Variants in GALNT18 observed in about 807,000 individuals in gnomAD.
The protein encoded by GALNT18 is polypeptide N-acetylgalactosaminyltransferase 18, also known as GalNAc-transferase 18.
A neutral mutation model predicts 69.5 loss-of-function variants in GALNT18; 44 were observed. The ratio of observed to expected loss-of-function variants is 0.63; its 90% CI spans 0.50 to 0.81. The LOEUF is 0.81. Among genes scored for constraint, GALNT18 ranks in the 40% least tolerant of loss-of-function variants. The pLI is 0.00. For synonymous variants in GALNT18, 364 were observed against 318.2 expected (o/e 1.14, Z -1.53); for missense variants, 715 against 810.0 (o/e 0.88, Z 1.42).
chr11:11,288,586 C>A (rs1387343033), intron 10 of GALNT18, among the ~76,000 whole-genome samples: 4 of 152,182 alleles, frequency 2.6e-5, no homozygotes, highest in Admixed American at 6.5e-5. Flanking sequence ...TGTCCAACCC[C>A]CATGCTCAAT....
intron 1 of GALNT18, among the ~76,000 whole-genome samples, chr11:11,490,765 G>C (rs1348778082): frequency 6.6e-6 from 1 of 152,220 alleles, no homozygotes; most frequent in South Asian, 2.1e-4. Flanking sequence ...ATGTAACCAA[G>C]AAGCCCTGTG....
At chr11:11,517,180 C>A (rs887582954) in intron 1 of GALNT18, among the ~76,000 whole-genome samples, 12 of 152,172 alleles carry the variant, frequency 7.9e-5, no homozygotes, top group Admixed American at 7.9e-4. Flanking sequence ...AAAACAAATT[C>A]TTTTGTTTAT....
intron 6 of GALNT18, among the ~76,000 whole-genome samples, chr11:11,351,688 C>T (rs1850406216): frequency 2.6e-5 from 4 of 152,202 alleles, no homozygotes; most frequent in Admixed American, 2.0e-4. Flanking sequence ...ATCTCTGGCC[C>T]CCATTACTGT....
intron 1 of GALNT18, 55 bp from the exon 2 acceptor site, chr11:11,448,991 A>G (rs1276527109): frequency 9.6e-6 from 13 of 1,354,824 alleles, no homozygotes; most frequent in African/African-American, 1.5e-5. Flanking sequence ...TGCATGTGCC[A>G]TGACAATCCC....
chr11:11,467,496 T>C (rs1231292192), intron 1 of GALNT18, among the ~76,000 whole-genome samples: 2 of 152,174 alleles, frequency 1.3e-5, no homozygotes, highest in Admixed American at 1.3e-4. Flanking sequence ...GATGCAGGCA[T>C]TTAAAGGGAA....
chr11:11,498,527 G>A (rs1856912557), intron 1 of GALNT18, among the ~76,000 whole-genome samples: 1 of 152,246 alleles, frequency 6.6e-6, no homozygotes, highest in Admixed American at 6.5e-5. Context: ...GGCCAGGCAT[G>A]GTGGCTAATG....
intron 1 of GALNT18, among the ~76,000 whole-genome samples, chr11:11,549,249 A>G (rs901809736): frequency 3.9e-5 from 6 of 152,236 alleles, no homozygotes; most frequent in Non-Finnish European, 7.3e-5. Flanking sequence ...CAGGCCTGTG[A>G]TCCTGGAAGA....
chr11:11,366,247 T>C (rs923464304), intron 6 of GALNT18, among the ~76,000 whole-genome samples: 1 of 152,192 alleles, frequency 6.6e-6, no homozygotes, highest in Non-Finnish European at 1.5e-5. Context: ...TTAGGTTGAG[T>C]CAGTTTTCTT....
chr11:11,526,411 C>T (rs1366419970), intron 1 of GALNT18, among the ~76,000 whole-genome samples: 6 of 152,108 alleles, frequency 3.9e-5, no homozygotes, highest in African/African-American at 1.4e-4. Context: ...AGCGCTGGTC[C>T]CTTTCTGGCA....
At chr11:11,291,980 G>C (rs146750904) in intron 10 of GALNT18, among the ~76,000 whole-genome samples, 1 of 152,216 alleles carries the variant, frequency 6.6e-6, no homozygotes, top group Non-Finnish European at 1.5e-5. Flanking sequence ...GCCAGGATTG[G>C]AATCAAGGTA....
chr11:11,424,104 G>T (rs185785243), intron 3 of GALNT18, among the ~76,000 whole-genome samples: 10 of 152,280 alleles, frequency 6.6e-5, no homozygotes, highest in African/African-American at 2.4e-4. Context: ...AACCCTTCCT[G>T]GCCAAGCCTG....
chr11:11,293,841 A>G (rs1439118569), intron 9 of GALNT18, among the ~76,000 whole-genome samples: 2 of 152,118 alleles, frequency 1.3e-5, no homozygotes, highest in African/African-American at 4.8e-5. Flanking sequence ...TAAATATTTC[A>G]TGTCAGATAC....
rs1225110601 is a variant in GALNT18 at position 11,614,170 on chromosome 11, G to T, written c.235+7189C>A. Among the ~76,000 whole-genome samples, 1 of 152,098 alleles carries T rather than the reference G, an allele frequency of 6.6e-6. No homozygotes were observed. Among genetic ancestry groups the T allele is most frequent in the Non-Finnish European group, 1.5e-5 (1 of 68,020 alleles). ...GCTATAAAGGAGTACCTGAGGCTTG[G>T]TAATTTATAAAATTATAAATTTATA... is the stretch of plus-strand genomic sequence containing the variant. On this transcript the variant is annotated intron_variant, in intron 1 of 10. Transcript: ENST00000227756. This position sits in a 1 kb window ranked among gnomAD's most constrained non-coding sequence, Gnocchi z 5.6.
intron 9 of GALNT18, among the ~76,000 whole-genome samples, chr11:11,301,634 G>A (rs1047804031): frequency 1.9e-4 from 29 of 152,182 alleles, no homozygotes; most frequent in African/African-American, 6.8e-4. Context: ...CTGGTGGAGC[G>A]GGAACAAGTG....
At position 11,603,291 on chromosome 11, in the gene GALNT18, G is replaced by C. The variant is rs1859675782; in HGVS notation, c.235+18068C>G. Among the ~76,000 whole-genome samples, 2 of 152,162 alleles carry C rather than the reference G, an allele frequency of 1.3e-5. No homozygotes were observed. Among genetic ancestry groups the C allele is most frequent in the African/African-American group, 4.8e-5 (2 of 41,430 alleles). On this transcript the variant is annotated intron_variant, in intron 1 of 10. Coordinates refer to ENST00000227756, the MANE Select transcript of GALNT18 (RefSeq NM_198516.3). This position sits in a 1 kb window ranked among gnomAD's most constrained non-coding sequence, Gnocchi z 4.5. ...AACAGATTGTTTTGCTCCAACACTG[G>C]CTCAGTTACCACCTCAGCGTTCAGA...
chr11:11,564,261 A>C lies in GALNT18; in HGVS notation c.235+57098T>G, dbSNP rs1858587573. 6.6e-6 allele frequency among the ~76,000 whole-genome samples: 1 copy of C among 152,108 alleles called. No individual in the cohort carries two copies. The highest frequency in any genetic ancestry group is 1.5e-5 in the Non-Finnish European group (1 of 68,026). On this transcript the variant is annotated intron_variant, in intron 1 of 10. Transcript: ENST00000227756. This position sits in a 1 kb window ranked among gnomAD's most constrained non-coding sequence, Gnocchi z 4.3. The stretch of plus-strand genomic sequence containing the variant: ...CTGCCTTCACCTGAAGGCTCATCTT[A>C]AGAGATATGCACCTGACTCTCTGTC...
intron 6 of GALNT18, among the ~76,000 whole-genome samples, chr11:11,346,759 T>C (rs1201826233): frequency 3.3e-5 from 5 of 152,058 alleles, no homozygotes; most frequent in African/African-American, 9.7e-5. Context: ...AAAATCACAC[T>C]CACCACCGGC....
At chr11:11,524,191 C>G (rs1857467864) in intron 1 of GALNT18, among the ~76,000 whole-genome samples, 1 of 152,088 alleles carries the variant, frequency 6.6e-6, no homozygotes, top group Non-Finnish European at 1.5e-5. Context: ...TAGGGAATTT[C>G]CCAAACATAA....
At chr11:11,313,595 G>C (rs995504084) in intron 9 of GALNT18, among the ~76,000 whole-genome samples, 2 of 152,142 alleles carry the variant, frequency 1.3e-5, no homozygotes, top group African/African-American at 4.8e-5. Flanking sequence ...TCTCTGTCTA[G>C]AGAACTTCCT....
Sources: gnomAD v4.1 joint callset for allele counts (sites outside exome capture counted in the v4.1 genomes callset) on GRCh38, gnomAD v4.1.1 for gene constraint, Gnocchi (gnomAD v3.1) non-coding constraint, MANE v1.5 for transcripts, NCBI Gene and HGNC (gene_info 2026-07-23, HGNC 2026-07-21) for gene names.